The following LRR1 variants were observed in gnomAD, a reference collection of about 807,000 sequenced individuals.
The protein encoded by LRR1 is leucine-rich repeat protein 1.
Under a neutral mutation model 31.6 loss-of-function variants are expected in LRR1, and 29 were observed. The ratio of observed to expected loss-of-function variants is 0.92; its 90% confidence interval spans 0.68 to 1.25. The LOEUF is 1.25. LRR1 is among the 50% of genes most tolerant of loss of function. The probability of loss-of-function intolerance (pLI) is 0.00; values close to 1 mark genes in which losing one functional copy is unlikely to be tolerated. For synonymous variants in LRR1, 179 were observed against 181.4 expected, an observed-to-expected ratio of 0.99 and a Z score of 0.10; for missense variants, 485 against 487.2, an observed-to-expected ratio of 1.00 and a Z score of 0.04.
intron 3 of LRR1, among the ~76,000 whole-genome samples, chr14:49,609,118 C>T (rs1331052144): frequency 6.7e-6 from 1 of 148,430 alleles, no homozygotes; most frequent in Admixed American, 6.8e-5. Context: ...GGGGTTTCAC[C>T]GTGTTAGCCA....
chr14:49,607,607 T>C lies in LRR1; in HGVS notation c.490T>C (p.Cys164Arg), dbSNP rs1882333121. 4 of 1,614,246 alleles carry C rather than the reference T, an allele frequency of 2.5e-6. No homozygotes were observed. Among genetic ancestry groups the C allele is most frequent in the Non-Finnish European group, 3.4e-6 (4 of 1,180,038 alleles). Residue 164 changes from cysteine to arginine, a missense_variant, in exon 3 of 4, where the codon TGT (cysteine) becomes CGT (arginine). Physicochemically the swap from Cys to Arg is radical, Grantham distance 180 (BLOSUM62 -3). Transcript: ENST00000298288. ...CTTGGAACATCTTCAGACTTCTTAC[T>C]GTGGGCTTGTCCGAGTTGATATGCG... The part of the protein sequence containing the change: ...YSLEHLQTSY[C>R]GLVRVDMRML...
chr14:49,614,327 G>T lies in LRR1; in HGVS notation c.1076G>T (p.Cys359Phe), dbSNP rs1566499083. The stretch of plus-strand genomic sequence containing the variant: ...TTGGATACCGCAAAAATTTGTGTTT[G>T]TGGAAGATTCTGTCTGAACTCTTTC... ...QDLDTAKICV[C>F]GRFCLNSFIQ... is the part of the protein sequence containing the mutation. Residue 359 changes from cysteine (C) to phenylalanine (F), a missense_variant, in exon 4 of 4, where the codon TGT becomes TTT. By Grantham distance (205) the Cys-to-Phe change is radical (BLOSUM62 -2). Around this residue, in one of 3 missense-constraint regions of LRR1, gnomAD observed 210 missense variants for 200.4 expected, o/e 1.05. Transcript: ENST00000298288. 6.2e-7 allele frequency: 1 copy of T among 1,613,844 alleles called. No individual in the cohort carries two copies. Among genetic ancestry groups the T allele is most frequent in the Non-Finnish European group, 8.5e-7 (1 of 1,179,948 alleles).
intron 2 of LRR1, among the ~76,000 whole-genome samples, chr14:49,606,019 GCTTTTTTTTTTTT>G (rs1257267769): frequency 2.8e-5 from 4 of 143,096 alleles, no homozygotes; most frequent in Non-Finnish European, 4.6e-5. Context: ...ACAAAAATTA[GCTTTTTTTTTTTT>G]CTTTTTTTTT....
chr14:49,601,043 A>T (rs1221406278), intron 1 of LRR1: 2 of 1,611,128 alleles, frequency 1.2e-6, no homozygotes, highest in East Asian at 2.2e-5. Context: ...TTTCTATTCC[A>T]GCATACCCAG....
chr14:49,605,646 T>G (rs34320574), intron 2 of LRR1, among the ~76,000 whole-genome samples: 31,998 of 152,206 alleles, frequency 0.21, 3,664 homozygotes, highest in Admixed American at 0.3. Flanking sequence ...TTCAGTTTTC[T>G]TAGTCACTTC....
At position 49,614,636 on chromosome 14, in the gene LRR1, G is replaced by A; in HGVS notation, c.*140G>A. ...AATGTGTATAGTTACTCATTTAGAT[G>A]ACTCCAAAACTTTTATTAAAACCAA... On this transcript the variant is annotated 3_prime_UTR_variant, in exon 4 of 4. Coordinates refer to ENST00000298288, the MANE Select transcript of LRR1 (RefSeq NM_152329.4). The A allele has an allele frequency of 8.3e-7, 1 of 1,197,998 alleles. No homozygotes were observed. Among genetic ancestry groups the A allele is most frequent in the Non-Finnish European group, 1.2e-6 (1 of 828,316 alleles). 74.2% of individuals were successfully genotyped at this position (1,197,998 alleles called of 1,614,324 possible). A position where few individuals can be genotyped will look rare whatever the true frequency, so the allele number is the denominator to read the frequency against.
In LRR1 at chr14:49,605,237, C is replaced by T. The variant is rs148989092; in HGVS notation, c.283-2163C>T. ...TAACTCCAAGCAAAGTGCTCTGCAA[C>T]ATTAAAAGTTCGATAACTAAGGAGT... On this transcript the variant is annotated intron_variant, in intron 2 of 3. Coordinates refer to ENST00000298288, the MANE Select transcript of LRR1 (RefSeq NM_152329.4). 3.5e-3 allele frequency among the ~76,000 whole-genome samples: 538 copies of T among 152,258 alleles called. 2 individuals are homozygous for T. The highest frequency in any genetic ancestry group is 9.0e-3 in the African/African-American group (376 of 41,558).
chr14:49,600,738 TC>T, intron 1 of LRR1: 1 of 917,224 alleles, frequency 1.1e-6, no homozygotes, highest in Non-Finnish European at 1.6e-6. Flanking sequence ...ACAAAACCTG[TC>T]CTCAGAATTC....
intron 1 of LRR1, chr14:49,600,366 C>T: frequency 6.3e-7 from 1 of 1,583,970 alleles, no homozygotes. Flanking sequence ...TCAGATTGAT[C>T]TCCGAGATGA....
chr14:49,601,168 C>G, intron 1 of LRR1: 1 of 1,587,548 alleles, frequency 6.3e-7, no homozygotes, highest in African/African-American at 1.3e-5. Context: ...TGTTTTATTA[C>G]TTGAGCACAA....
chr14:49,607,612 G>A lies in LRR1; in HGVS notation c.495G>A (p.Gly165=), dbSNP rs1882333440. The change falls in exon 3 of 4, where the codon GGG becomes GGA. Residue 165 remains glycine, a synonymous_variant. Transcript: ENST00000298288. ...SLEHLQTSYC[G]LVRVDMRMLC... is the part of the protein sequence containing the mutation. ...AACATCTTCAGACTTCTTACTGTGG[G>A]CTTGTCCGAGTTGATATGCGTATGC... The A allele has an allele frequency of 6.2e-7, 1 of 1,614,028 alleles. No homozygotes were observed. The highest frequency in any genetic ancestry group is 1.1e-5 in the South Asian group (1 of 91,080).
At position 49,614,569 on chromosome 14, in the gene LRR1, T is replaced by G; in HGVS notation, c.*73T>G. Reference sequence around the variant, plus strand: ...GCATGTATGATTTTGCAGCGTCAAATTGGAGTAAGGGAAGATTTCTGTATA... The same window carrying G: ...GCATGTATGATTTTGCAGCGTCAAAGTGGAGTAAGGGAAGATTTCTGTATA... On this transcript the variant is annotated 3_prime_UTR_variant, in exon 4 of 4. Transcript: ENST00000298288. 6.3e-7 allele frequency: 1 copy of G among 1,587,294 alleles called. No homozygotes were observed. The highest frequency in any genetic ancestry group is 8.6e-7 in the Non-Finnish European group (1 of 1,160,450).
intron 1 of LRR1, 81 bp downstream of exon 1, chr14:49,599,284 C>T (rs1881941884): frequency 2.8e-6 from 4 of 1,427,590 alleles, no homozygotes; most frequent in Admixed American, 4.8e-5. Context: ...CCTCATGCTC[C>T]CGGCTGCTCC....
Position 49,599,130 on chromosome 14 carries a change from C to G in LRR1, c.110C>G (p.Ser37Cys). ...GTGTTGAGCCTCTGTCAGCAGACTT[C>G]CAGGAGTCAGCCGCCGGTCCGAGCC... The part of the protein sequence containing the change: ...RAVLSLCQQT[S>C]RSQPPVRAFL... The change falls in exon 1 of 4, where the codon TCC becomes TGC. Residue 37 changes from serine to cysteine, a missense_variant. This residue lies in a region of LRR1 where 260 missense variants were observed against 249.6 expected (regional missense o/e 1.04). Coordinates refer to ENST00000298288, the MANE Select transcript of LRR1 (RefSeq NM_152329.4). 1.2e-6 allele frequency: 2 copies of G among 1,608,812 alleles called. No individual in the cohort carries two copies. The highest frequency in any genetic ancestry group is 1.7e-6 in the Non-Finnish European group (2 of 1,178,044).
Position 49,614,368 on chromosome 14 carries a change from A to G in LRR1, c.1117A>G (p.Thr373Ala). Residue 373 changes from threonine to alanine, a missense_variant, in exon 4 of 4, where the codon ACC becomes GCC. Physicochemically the swap from Thr to Ala is moderately conservative, Grantham distance 58. Around this residue, in one of 3 missense-constraint regions of LRR1, gnomAD observed 210 missense variants for 200.4 expected, o/e 1.05. Coordinates refer to ENST00000298288, the MANE Select transcript of LRR1 (RefSeq NM_152329.4). ...CLNSFIQGTT[T>A]MNLHSVAHTV... The stretch of plus-strand genomic sequence containing the variant: ...GAACTCTTTCATTCAAGGAACTACT[A>G]CCATGAATCTGCATTCTGTTGCCCA... 6.2e-7 allele frequency: 1 copy of G among 1,614,054 alleles called. No individual in the cohort carries two copies. The highest frequency in any genetic ancestry group is 1.1e-5 in the South Asian group (1 of 91,084).
intron 2 of LRR1, chr14:49,603,740 C>G (rs1191891786): frequency 1.1e-6 from 1 of 949,870 alleles, no homozygotes; most frequent in Non-Finnish European, 1.2e-6. Flanking sequence ...GTCACCCAGG[C>G]TGGATTACAG....
chr14:49,602,140 C>CTTTT (rs71115383), intron 1 of LRR1, among the ~76,000 whole-genome samples: 11 of 60,294 alleles, frequency 1.8e-4, no homozygotes, highest in African/African-American at 7.3e-4. Flanking sequence ...AAAAAAACAA[C>CTTTT]TTTTTTTTTT....
chr14:49,606,101 A>T (rs771564353), intron 2 of LRR1, among the ~76,000 whole-genome samples: 17 of 140,602 alleles, frequency 1.2e-4, no homozygotes, highest in Non-Finnish European at 2.4e-4. Flanking sequence ...ATCTTGGCTT[A>T]CTGCAACCTC....
In LRR1 at chr14:49,607,733, A is replaced by G; in HGVS notation, c.616A>G (p.Asn206Asp). The G allele has an allele frequency of 6.2e-7, 1 of 1,612,652 alleles. No individual in the cohort carries two copies. ...IGDLIHLQEL[N>D]LNDNHLESFS... is the part of the protein sequence containing the mutation. ...AGACCTCATACACCTTCAAGAACTT[A>G]ACCTGAATGACAATCACTTGGAGTC... Residue 206 changes from asparagine (N) to aspartate (D), a missense_variant, in exon 3 of 4, where the codon AAC becomes GAC. Asn to Asp is a conservative substitution (Grantham distance 23). Coordinates refer to ENST00000298288, the MANE Select transcript of LRR1 (RefSeq NM_152329.4).
Sources: gnomAD v4.1 joint callset for allele counts (sites outside exome capture counted in the v4.1 genomes callset) on GRCh38, gnomAD v4.1.1 for gene constraint, gnomAD v4.1.1 regional missense constraint, MANE v1.5 for transcripts, NCBI Gene and HGNC (gene_info 2026-07-23, HGNC 2026-07-21) for gene names.